Variants in PLCB1 observed in about 807,000 individuals in gnomAD.
The protein encoded by PLCB1 is phospholipase C beta 1, also known as 1-phosphatidylinositol 4,5-bisphosphate phosphodiesterase beta-1.
PLCB1 carries 46 observed loss-of-function variants against 161.8 expected under a neutral mutation model. The ratio of observed to expected loss-of-function variants is 0.28; its 90% CI spans 0.22 to 0.36. PLCB1 has a LOEUF of 0.36. PLCB1 is among the 10% of genes least tolerant of loss of function. The pLI is 1.00. For synonymous variants in PLCB1, 517 were observed against 503.7 expected (o/e 1.03, Z -0.35); for missense variants, 1,016 against 1,472.5 (o/e 0.69, Z 5.07).
At chr20:8,430,469 T>G (rs543427126) in intron 3 of PLCB1, among the ~76,000 whole-genome samples, 9 of 149,852 alleles carry the variant, frequency 6.0e-5, no homozygotes, top group Non-Finnish European at 1.2e-4. Context: ...CAGTGTTACC[T>G]TGCCTGGGAA....
intron 3 of PLCB1, among the ~76,000 whole-genome samples, chr20:8,504,122 A>G (rs968966531): frequency 2.6e-5 from 4 of 152,312 alleles, no homozygotes; most frequent in East Asian, 1.9e-4. Flanking sequence ...CAGAAAAACA[A>G]TGTATTTCTC....
intron 1 of PLCB1, among the ~76,000 whole-genome samples, chr20:8,143,361 C>T (rs959353787): frequency 2.0e-5 from 3 of 152,134 alleles, no homozygotes; most frequent in Admixed American, 1.3e-4. Context: ...TCAGAATCTT[C>T]CTTGTTTTTA....
chr20:8,556,656 G>GGGGTGT (rs1225219910), intron 3 of PLCB1, among the ~76,000 whole-genome samples: 2 of 141,780 alleles, frequency 1.4e-5, no homozygotes, highest in African/African-American at 2.6e-5. Context: ...GAGAGGGTTG[G>GGGGTGT]GTGTGTGTGT....
At chr20:8,170,102 C>T (rs1041394458) in intron 2 of PLCB1, among the ~76,000 whole-genome samples, 2 of 152,134 alleles carry the variant, frequency 1.3e-5, no homozygotes, top group African/African-American at 4.8e-5. Context: ...TCTTTCATCC[C>T]TGTGTACCCA....
chr20:8,164,719 TG>T (rs1325458009), intron 2 of PLCB1, among the ~76,000 whole-genome samples: 1 of 152,192 alleles, frequency 6.6e-6, no homozygotes, highest in Non-Finnish European at 1.5e-5. Flanking sequence ...CTTGTTCCCA[TG>T]AAAGAAGATA....
intron 31 of PLCB1, among the ~76,000 whole-genome samples, chr20:8,837,243 T>C (rs1986323109): frequency 6.6e-6 from 1 of 152,150 alleles, no homozygotes; most frequent in Non-Finnish European, 1.5e-5. Context: ...TTTCTAGACC[T>C]GTAACTACAT....
intron 11 of PLCB1, among the ~76,000 whole-genome samples, chr20:8,707,121 G>A (rs1323902036): frequency 1.3e-5 from 2 of 152,196 alleles, no homozygotes; most frequent in African/African-American, 2.4e-5. Flanking sequence ...ATGTATGAAA[G>A]ATAATCTGTG....
chr20:8,647,288 T>C lies in PLCB1; in HGVS notation c.465-612T>C, dbSNP rs542648988. 5.9e-5 allele frequency among the ~76,000 whole-genome samples: 9 copies of C among 152,366 alleles called. No individual in the cohort carries two copies. The East Asian group carries it at 1.7e-3, about 29-fold the overall frequency. ...GGGGACACAGAGGTAAATAACATGT[T>C]TTATCTGAAACATAGCATGTTATTG... On this transcript the variant is annotated intron_variant, in intron 5 of 31. Coordinates refer to ENST00000338037, the MANE Select transcript of PLCB1 (RefSeq NM_015192.4).
chr20:8,808,434 T>A (rs6118328), intron 31 of PLCB1, among the ~76,000 whole-genome samples: 36,401 of 152,114 alleles, frequency 0.24, 5,341 homozygotes, highest in Non-Finnish European at 0.32. Context: ...ATCAGGGACC[T>A]ACTCATAGGA....
At chr20:8,430,951 C>A (rs1036079163) in intron 3 of PLCB1, among the ~76,000 whole-genome samples, 3 of 151,536 alleles carry the variant, frequency 2.0e-5, no homozygotes, top group Non-Finnish European at 2.9e-5. Context: ...AGAGCAAGAC[C>A]ATGTCTCAAA....
chr20:8,146,045 A>G (rs2051449671), intron 1 of PLCB1, among the ~76,000 whole-genome samples: 1 of 152,088 alleles, frequency 6.6e-6, no homozygotes, highest in Non-Finnish European at 1.5e-5. Flanking sequence ...GTCGCTTCCA[A>G]GGAAACGAAA....
intron 1 of PLCB1, among the ~76,000 whole-genome samples, chr20:8,137,331 T>A (rs2051359825): frequency 6.6e-6 from 1 of 152,198 alleles, no homozygotes; most frequent in Non-Finnish European, 1.5e-5. Context: ...TTAGTAGCGT[T>A]CACTTTGGAA....
rs141268217 is a variant in PLCB1 at position 8,388,059 on chromosome 20, G to C, written c.246+16609G>C. Among the ~76,000 whole-genome samples the C allele has an allele frequency of 3.3e-5, 5 of 151,550 alleles. No individual in the cohort carries two copies. In the East Asian group the frequency reaches 9.7e-4, roughly 29 times the overall value. ...AAGAACCAGAACAGTGTATTTCCTG[G>C]ATGCCTAAAAAATATTTCATGGAGG... On this transcript the variant is annotated intron_variant, in intron 3 of 31. Transcript: ENST00000338037.
chr20:8,198,456 G>A (rs891230945), intron 2 of PLCB1, among the ~76,000 whole-genome samples: 3 of 152,016 alleles, frequency 2.0e-5, no homozygotes, highest in African/African-American at 4.8e-5. Flanking sequence ...TGACAACCAA[G>A]GAAAAGAGAC....
intron 4 of PLCB1, among the ~76,000 whole-genome samples, chr20:8,640,782 G>A (rs953477599): frequency 4.6e-5 from 7 of 152,190 alleles, no homozygotes; most frequent in East Asian, 3.8e-4. Flanking sequence ...AGCTGCAGTC[G>A]TCTCATTGTG....
chr20:8,287,829 A>G (rs114560661), intron 2 of PLCB1, among the ~76,000 whole-genome samples: 1,986 of 152,300 alleles, frequency 0.013, 42 homozygotes, highest in African/African-American at 0.044. Flanking sequence ...ATTACCAATG[A>G]AGCTTAAGCA....
chr20:8,714,513 C>T (rs111311822), intron 12 of PLCB1, among the ~76,000 whole-genome samples: 4 of 152,294 alleles, frequency 2.6e-5, no homozygotes, highest in African/African-American at 9.6e-5. Flanking sequence ...TCTGCCTGCT[C>T]CCAAAGGTCT....
intron 3 of PLCB1, among the ~76,000 whole-genome samples, chr20:8,591,583 G>A (rs1042926332): frequency 6.6e-6 from 1 of 152,118 alleles, no homozygotes; most frequent in African/African-American, 2.4e-5. Flanking sequence ...TGTGGGTACG[G>A]AGCAAAGGTG....
intron 2 of PLCB1, among the ~76,000 whole-genome samples, chr20:8,221,383 T>C (rs955060514): frequency 1.3e-5 from 2 of 152,042 alleles, no homozygotes; most frequent in Non-Finnish European, 2.9e-5. Flanking sequence ...CAATTTTTTT[T>C]ATATATCTTT....
Sources: allele counts gnomAD v4.1 joint callset (sites outside exome capture counted in the v4.1 genomes callset), GRCh38; gene constraint gnomAD v4.1.1; transcripts MANE v1.5; gene names NCBI Gene and HGNC (gene_info 2026-07-23, HGNC 2026-07-21).